The following SNAPIN variants were observed in gnomAD, a reference collection of about 807,000 sequenced individuals.
SNAPIN encodes SNAP associated protein.
In SNAPIN, 16 loss-of-function variants were observed where a neutral mutation model predicts 15.9. The observed-to-expected ratio is 1.01, with a 90% confidence interval of 0.68 to 1.53. The LOEUF (loss-of-function observed/expected upper bound fraction) is 1.53, where lower values mean the gene tolerates loss of function less well. SNAPIN is among the 40% of genes most tolerant of loss of function. SNAPIN has a pLI of 0.00. For missense variants in SNAPIN, 186 were observed against 180.1 expected (o/e 1.03, Z -0.19); for synonymous variants, 83 against 76.2 (o/e 1.09, Z -0.46).
intron 3 of SNAPIN, among the ~76,000 whole-genome samples, chr1:153,660,919 C>G (rs1273024944): frequency 6.6e-6 from 1 of 152,010 alleles, no homozygotes; most frequent in Non-Finnish European, 1.5e-5. Context: ...AAGCACCCGC[C>G]ACCATGCCCA....
chr1:153,661,253 A>C lies in SNAPIN; in HGVS notation c.363A>C (p.Arg121Ser). The change falls in exon 4 of 4, where the codon AGA (arginine) becomes AGC (serine). Residue 121 changes from arginine to serine, a missense_variant. Transcript: ENST00000368685. ...TTGCCAAGGAAACAGCCCGCAGGAGAGCAATGCTGGATTCGGGAATTTACC... is the reference window on the plus strand; with the variant it reads ...TTGCCAAGGAAACAGCCCGCAGGAGCGCAATGCTGGATTCGGGAATTTACC... ...HSVAKETARRRAMLDSGIYPP... is the reference protein window; with the variant it reads ...HSVAKETARRSAMLDSGIYPP... 6.2e-7 allele frequency: 1 copy of C among 1,613,752 alleles called. No individual in the cohort carries two copies. The highest frequency in any genetic ancestry group is 8.5e-7 in the Non-Finnish European group (1 of 1,179,808).
chr1:153,658,696 G>A (rs1053070638), upstream of SNAPIN: 9 of 1,485,432 alleles, frequency 6.1e-6, no homozygotes, highest in South Asian at 1.4e-5. Flanking sequence ...CGCGGCTCCG[G>A]TTCCCGGCGG....
chr1:153,660,045 A>G (rs1039812929), intron 3 of SNAPIN, among the ~76,000 whole-genome samples: 1 of 151,732 alleles, frequency 6.6e-6, no homozygotes, highest in African/African-American at 2.4e-5. Flanking sequence ...ATTTATTTTT[A>G]TGATACAAGG....
intron 2 of SNAPIN, 24 bp from the exon 3 acceptor site, chr1:153,659,424 G>C (rs1251268051): frequency 2.5e-6 from 4 of 1,574,388 alleles, no homozygotes; most frequent in Non-Finnish European, 3.5e-6. Flanking sequence ...TTAGATCTTA[G>C]CTGCACCTTA....
rs1001074206 is a variant in SNAPIN at position 153,661,399 on chromosome 1, TCA to T, written c.*99_*100del. On this transcript the variant is annotated 3_prime_UTR_variant, in exon 4 of 4. Transcript: ENST00000368685. ...CCTAGGAGACAGTCCCCATAGACCTTCAGACATTAAAAAGGGAGCCGTACAGT... is the reference window on the plus strand; with the variant it reads ...CCTAGGAGACAGTCCCCATAGACCTTGACATTAAAAAGGGAGCCGTACAGT... The T allele has an allele frequency of 4.1e-5, 38 of 919,224 alleles. No homozygotes were observed. The highest frequency in any genetic ancestry group is 5.9e-5 in the Non-Finnish European group (35 of 589,532). The allele number at this position is 919,224 out of a possible 1,614,324, so 56.9% of individuals were successfully genotyped here.
intron 1 of SNAPIN, 22 bp downstream of exon 1, chr1:153,658,908 G>T (rs751538108): frequency 1.2e-6 from 2 of 1,609,100 alleles, no homozygotes; most frequent in Non-Finnish European, 1.7e-6. Context: ...GGAAGTTGGG[G>T]GCGGGGCCTG....
At chr1:153,660,330 C>CCTT (rs1249155798) in intron 3 of SNAPIN, among the ~76,000 whole-genome samples, 3 of 111,436 alleles carry the variant, frequency 2.7e-5, no homozygotes, top group African/African-American at 1.1e-4. Flanking sequence ...GCCTGCCTGG[C>CCTT]CTTTTTTTTT....
At chr1:153,659,781 C>T (rs1461411030) in intron 3 of SNAPIN, among the ~76,000 whole-genome samples, 4 of 152,118 alleles carry the variant, frequency 2.6e-5, no homozygotes, top group Admixed American at 2.6e-4. Flanking sequence ...CCTCTGTCAC[C>T]CAGGCTGGAG....
At position 153,659,431 on chromosome 1, in the gene SNAPIN, C is replaced by G; in HGVS notation, c.191-17C>G. On this transcript the variant is annotated splice_polypyrimidine_tract_variant and intron_variant, in intron 2 of 3. Coordinates refer to ENST00000368685, the MANE Select transcript of SNAPIN (RefSeq NM_012437.6). ...ATAAGCCGTTAGATCTTAGCTGCAC[C>G]TTACTTCCATCCCCAGAACTGTGCC... 1 of 1,592,696 alleles carries G rather than the reference C, an allele frequency of 6.3e-7. No individual in the cohort carries two copies. Among genetic ancestry groups the G allele is most frequent in the Non-Finnish European group, 8.6e-7 (1 of 1,160,582 alleles).
In SNAPIN at chr1:153,659,530, C is replaced by T. The variant is rs752460160; in HGVS notation, c.273C>T (p.Arg91=). 14 of 1,613,774 alleles carry T rather than the reference C, an allele frequency of 8.7e-6. No homozygotes were observed. Among genetic ancestry groups the T allele is most frequent in the African/African-American group, 5.3e-5 (4 of 74,910 alleles). ...YVKKLLNARR[R]VVLVNNILQN... ...AGAAGCTACTTAATGCCCGGCGACG[C>T]GTTGTCTTGGTTAACAACATTCTAC... The change falls in exon 3 of 4, where the codon CGC becomes CGT. Residue 91 remains arginine, a synonymous_variant. Coordinates refer to ENST00000368685, the MANE Select transcript of SNAPIN (RefSeq NM_012437.6).
chr1:153,661,799 G>T lies in SNAPIN; in HGVS notation c.*498G>T, dbSNP rs973807958. The T allele has an allele frequency of 1.3e-5, 2 of 155,594 alleles. No homozygotes were observed. The highest frequency in any genetic ancestry group is 1.3e-4 in the Admixed American group (2 of 15,968). The allele number at this position is 155,594 out of a possible 1,614,324, so 9.6% of individuals were successfully genotyped here. A position where few individuals can be genotyped will look rare whatever the true frequency, so the allele number is the denominator to read the frequency against. On this transcript the variant is annotated 3_prime_UTR_variant, in exon 4 of 4. Transcript: ENST00000368685. ...CTTGAATACAGTAGCAGTGTTGATA[G>T]AATCATTTTATTCAATAAATACTTA...
chr1:153,658,682 G>A (rs1669069880), upstream of SNAPIN: 13 of 1,470,696 alleles, frequency 8.8e-6, no homozygotes, highest in Non-Finnish European at 1.1e-5. Flanking sequence ...GCGGGGCAGT[G>A]CGGCGCGGCT....
intron 2 of SNAPIN, 36 bp downstream of exon 2, chr1:153,659,220 G>GC: frequency 6.2e-7 from 1 of 1,611,316 alleles, no homozygotes; most frequent in Non-Finnish European, 8.5e-7. Context: ...GAATTCTTCA[G>GC]CCCACTTTCA....
chr1:153,661,581 C>A lies in SNAPIN; in HGVS notation c.*280C>A. Reference sequence around the variant, plus strand: ...TCTACTTTTTTTTTTAAGCTGCATACGTGAGGCTTACCTTCTTCAGGACTA... The same window carrying A: ...TCTACTTTTTTTTTTAAGCTGCATAAGTGAGGCTTACCTTCTTCAGGACTA... On this transcript the variant is annotated 3_prime_UTR_variant, in exon 4 of 4. Coordinates refer to ENST00000368685, the MANE Select transcript of SNAPIN (RefSeq NM_012437.6). 3.8e-6 allele frequency: 1 copy of A among 266,628 alleles called. No homozygotes were observed. Among genetic ancestry groups the A allele is most frequent in the East Asian group, 7.5e-5 (1 of 13,282 alleles). 16.5% of individuals were successfully genotyped at this position (266,628 alleles called of 1,614,324 possible). A position where few individuals can be genotyped will look rare whatever the true frequency, so the allele number is the denominator to read the frequency against.
intron 3 of SNAPIN, 48 bp downstream of exon 3, chr1:153,659,614 T>C: frequency 3.1e-6 from 4 of 1,298,128 alleles, no homozygotes; most frequent in Non-Finnish European, 4.5e-6. Context: ...TTTTTGTAAG[T>C]CCTCAACACA....
intron 3 of SNAPIN, 65 bp from the exon 4 acceptor site, chr1:153,661,135 C>CTAGT: frequency 7.6e-7 from 1 of 1,321,674 alleles, no homozygotes; most frequent in Non-Finnish European, 1.1e-6. Flanking sequence ...TTTTCAGCAC[C>CTAGT]TAGTTCACTT....
chr1:153,660,348 T>TC (rs1669116817), intron 3 of SNAPIN, among the ~76,000 whole-genome samples: 1 of 149,484 alleles, frequency 6.7e-6, no homozygotes, highest in South Asian at 2.1e-4. Flanking sequence ...TTTTTTTTTT[T>TC]AAATAAAAAG....
rs1432042728 is a variant in SNAPIN at position 153,661,559 on chromosome 1, A to C, written c.*258A>C. 6.8e-6 allele frequency: 2 copies of C among 293,214 alleles called. No individual in the cohort carries two copies. The highest frequency in any genetic ancestry group is 2.1e-5 in the African/African-American group (1 of 46,642). The allele number at this position is 293,214 out of a possible 1,614,324, so 18.2% of individuals were successfully genotyped here. A position where few individuals can be genotyped will look rare whatever the true frequency, so the allele number is the denominator to read the frequency against. On this transcript the variant is annotated 3_prime_UTR_variant, in exon 4 of 4. Coordinates refer to ENST00000368685, the MANE Select transcript of SNAPIN (RefSeq NM_012437.6). ...CTTTCACAAATGAGCTGAGGCCTCT[A>C]CTTTTTTTTTTAAGCTGCATACGTG... is the stretch of plus-strand genomic sequence containing the variant.
At chr1:153,659,261 G>A in intron 2 of SNAPIN, 77 bp downstream of exon 2, 1 of 1,501,444 alleles carries the variant, frequency 6.7e-7, no homozygotes, top group South Asian at 1.1e-5. Context: ...CCCCTGGGCT[G>A]AGTTTCTGTC....
Sources: gnomAD v4.1 joint callset for allele counts (sites outside exome capture counted in the v4.1 genomes callset) on GRCh38, gnomAD v4.1.1 for gene constraint, MANE v1.5 for transcripts, NCBI Gene and HGNC (gene_info 2026-07-23, HGNC 2026-07-21) for gene names.